Variants in NAV2 observed in about 807,000 individuals in gnomAD.
The protein encoded by NAV2 is neuron navigator 2.
NAV2 carries 54 observed loss-of-function variants against 223.2 expected under a neutral mutation model. That is an observed-to-expected ratio of 0.24 (90% CI 0.19 to 0.30). The LOEUF (loss-of-function observed/expected upper bound fraction) is 0.30. Among genes scored for constraint, NAV2 ranks in the 10% least tolerant of loss-of-function variants. The pLI is 1.00. For missense variants in NAV2, 2,806 were observed against 3,147.5 expected (o/e 0.89, Z 2.60); for synonymous variants, 1,279 against 1,239.3 (o/e 1.03, Z -0.67).
Position 20,080,149 on chromosome 11 carries a change from C to T in NAV2, c.5265C>T (p.Ser1755=). ...TCTCCAGCATCAACAGTGCCACCAG[C>T]CACTCCAGCGTGGGCAGCAACATAG... ...DSVSSINSAT[S]HSSVGSNIES... is the part of the protein sequence containing the mutation. Residue 1755 remains serine (S), a synonymous_variant, in exon 25 of 38, where the codon AGC becomes AGT. Transcript: ENST00000349880. 6.2e-7 allele frequency: 1 copy of T among 1,614,004 alleles called. No individual in the cohort carries two copies. The highest frequency in any genetic ancestry group is 8.5e-7 in the Non-Finnish European group (1 of 1,179,902).
In NAV2 at chr11:19,933,758, C is replaced by A. The variant is rs2045597860; in HGVS notation, c.1514C>A (p.Ala505Asp). The change falls in exon 7 of 38, where the codon GCC (alanine) becomes GAC (aspartate). Residue 505 changes from alanine (A) to aspartate (D), a missense_variant. By Grantham distance (126) the Ala-to-Asp change is moderately radical. Around this residue, in one of 4 missense-constraint regions of NAV2, gnomAD observed 1,167 missense variants for 1,180.5 expected, o/e 0.99. Coordinates refer to ENST00000349880, the MANE Select transcript of NAV2 (RefSeq NM_145117.5). This position sits in a 1 kb window ranked among gnomAD's most constrained non-coding sequence, Gnocchi z 4.3. ...EKDKEKSKDLAKRASVTERLD... is the reference protein window; with the variant it reads ...EKDKEKSKDLDKRASVTERLD... Reference sequence around the variant, plus strand: ...GATAAGGAGAAAAGCAAGGACCTTGCCAAGAGAGCCTCTGTGACGGAGAGG... The same window carrying A: ...GATAAGGAGAAAAGCAAGGACCTTGACAAGAGAGCCTCTGTGACGGAGAGG... 1 of 1,614,140 alleles carries A rather than the reference C, an allele frequency of 6.2e-7. No homozygotes were observed. Among genetic ancestry groups the A allele is most frequent in the Non-Finnish European group, 8.5e-7 (1 of 1,180,026 alleles).
intron 20 of NAV2, among the ~76,000 whole-genome samples, chr11:20,065,119 T>C (rs1273053709): frequency 6.6e-5 from 10 of 152,270 alleles, no homozygotes; most frequent in Non-Finnish European, 1.5e-4. Context: ...GGCTAGACTC[T>C]GCTACCGCCT....
At chr11:19,842,498 A>C (rs570471569) in intron 2 of NAV2, among the ~76,000 whole-genome samples, 6 of 152,214 alleles carry the variant, frequency 3.9e-5, no homozygotes, top group African/African-American at 1.4e-4. Context: ...AGCTGGACTG[A>C]TCCACTCTGA....
chr11:19,595,253 G>A (rs1014246644), intron 1 of NAV2, among the ~76,000 whole-genome samples: 1 of 152,168 alleles, frequency 6.6e-6, no homozygotes, highest in Non-Finnish European at 1.5e-5. Flanking sequence ...CTTGGGCTAA[G>A]CATGTAACCA....
chr11:19,997,939 C>T (rs1044714581), intron 11 of NAV2, among the ~76,000 whole-genome samples: 2 of 152,042 alleles, frequency 1.3e-5, no homozygotes, highest in Non-Finnish European at 2.9e-5. Flanking sequence ...CTCATCTATC[C>T]GGGGTCTCTC....
chr11:20,112,998 C>A (rs2062767573), intron 36 of NAV2, among the ~76,000 whole-genome samples: 1 of 152,230 alleles, frequency 6.6e-6, no homozygotes, highest in South Asian at 2.1e-4. Context: ...AGACACACTG[C>A]AGCCGTGGTG....
chr11:19,887,948 T>TG (rs1274413340), intron 5 of NAV2, among the ~76,000 whole-genome samples: 33 of 47,406 alleles, frequency 7.0e-4, no homozygotes, highest in Admixed American at 2.6e-3. Flanking sequence ...GGGAAAGAAC[T>TG]GTTTTTTTTT....
At chr11:20,096,104 C>T (rs763450084) in intron 30 of NAV2, among the ~76,000 whole-genome samples, 14 of 152,172 alleles carry the variant, frequency 9.2e-5, no homozygotes, top group Non-Finnish European at 1.5e-4. Context: ...ACATATGCTT[C>T]GGAGTATGTA....
chr11:19,464,479 G>C (rs1852278781), intron 1 of NAV2, among the ~76,000 whole-genome samples: 1 of 152,208 alleles, frequency 6.6e-6, no homozygotes, highest in Non-Finnish European at 1.5e-5. Context: ...AGAGGGCCTG[G>C]CATTCAGACT....
At chr11:19,895,603 T>C (rs907901291) in intron 6 of NAV2, among the ~76,000 whole-genome samples, 1 of 152,134 alleles carries the variant, frequency 6.6e-6, no homozygotes, top group East Asian at 1.9e-4. Flanking sequence ...GAGAGTGTTA[T>C]GTGAGCTGTG....
Position 19,368,956 on chromosome 11 carries a change from C to T in NAV2, c.75+17929C>T, listed in dbSNP as rs374916013. On this transcript the variant is annotated intron_variant, in intron 1 of 37. Coordinates refer to the NAV2 transcript ENST00000360655. Reference sequence around the variant, plus strand: ...TATTTTAACAAAGTATACAGACACACACCATAACTCTTTCTTTCTCCAAGT... The same window carrying T: ...TATTTTAACAAAGTATACAGACACATACCATAACTCTTTCTTTCTCCAAGT... Among the ~76,000 whole-genome samples the T allele has an allele frequency of 1.2e-4, 18 of 152,336 alleles. No homozygotes were observed. In the East Asian group the frequency reaches 3.3e-3, roughly 28 times the overall value.
In NAV2 at chr11:19,933,432, CA is replaced by C; in HGVS notation, c.1190del (p.Asn397IlefsTer9). 6.3e-7 allele frequency: 1 copy of C among 1,590,248 alleles called. No homozygotes were observed. Among genetic ancestry groups the C allele is most frequent in the Non-Finnish European group, 8.6e-7 (1 of 1,168,826 alleles). On this transcript the variant is annotated frameshift_variant, in exon 7 of 38. Coordinates refer to ENST00000349880, the MANE Select transcript of NAV2 (RefSeq NM_145117.5). LOFTEE classifies it high-confidence loss of function. This position sits in a 1 kb window ranked among gnomAD's most constrained non-coding sequence, Gnocchi z 4.3. ...TPEAMKPAPN[N>X]QKSMLEKLKL... is the part of the protein sequence containing the mutation. ...CTGAAGCCATGAAGCCGGCCCCCAA[CA>C]ATCAGAAGTCCATGCTGGAAAAGCT...
chr11:19,919,566 A>T (rs545512987), intron 6 of NAV2, among the ~76,000 whole-genome samples: 1 of 152,210 alleles, frequency 6.6e-6, no homozygotes, highest in African/African-American at 2.4e-5. Flanking sequence ...GGAGCCACGT[A>T]TGAAACTATG....
At chr11:20,068,003 T>C (rs75095289) in intron 20 of NAV2, among the ~76,000 whole-genome samples, 183 bp from the exon 21 acceptor site, 3,262 of 152,286 alleles carry the variant, frequency 0.021, 43 homozygotes, top group South Asian at 0.056. Context: ...ATAAGCCGTT[T>C]GTATTTGGCC....
At chr11:20,054,384 G>A in intron 18 of NAV2, 144 bp downstream of exon 18, 1 of 734,562 alleles carries the variant, frequency 1.4e-6, no homozygotes, top group Non-Finnish European at 2.1e-6. Flanking sequence ...GGTGATTTCT[G>A]AGATTTTGGT....
intron 1 of NAV2, among the ~76,000 whole-genome samples, chr11:19,769,577 C>A (rs2055538932): frequency 6.6e-6 from 1 of 152,264 alleles, no homozygotes; most frequent in South Asian, 2.1e-4. Context: ...ACTGGAGGCA[C>A]CCTCTCCTGG....
intron 1 of NAV2, among the ~76,000 whole-genome samples, chr11:19,613,784 T>A (rs894457020): frequency 5.3e-5 from 8 of 152,298 alleles, no homozygotes; most frequent in South Asian, 2.1e-4. Flanking sequence ...GTTTCATCCA[T>A]AATAATGTTA....
At chr11:19,416,198 AT>A in intron 1 of NAV2, among the ~76,000 whole-genome samples, 1 of 152,332 alleles carries the variant, frequency 6.6e-6, no homozygotes, top group South Asian at 2.1e-4. Context: ...AGAAAACCCC[AT>A]TGTCTCAGCC....
At chr11:19,643,920 C>G (rs931562205) in intron 1 of NAV2, among the ~76,000 whole-genome samples, 3 of 152,208 alleles carry the variant, frequency 2.0e-5, no homozygotes, top group Non-Finnish European at 2.9e-5. Context: ...TGTATTTGCT[C>G]TTCTAAATAT....
Sources: gnomAD v4.1 joint callset for allele counts (sites outside exome capture counted in the v4.1 genomes callset) on GRCh38, gnomAD v4.1.1 for gene constraint, gnomAD v4.1.1 regional missense constraint, Gnocchi (gnomAD v3.1) non-coding constraint, MANE v1.5 for transcripts, NCBI Gene and HGNC (gene_info 2026-07-23, HGNC 2026-07-21) for gene names.